Variants in DAAM1 observed in about 807,000 individuals in gnomAD.
DAAM1 encodes the protein dishevelled associated activator of morphogenesis 1, also known as disheveled-associated activator of morphogenesis 1.
In DAAM1, 52 loss-of-function variants were observed where a neutral mutation model predicts 130.0. That is an observed-to-expected ratio of 0.40 (90% CI 0.32 to 0.50). The LOEUF is 0.50. Among genes scored for constraint, DAAM1 ranks in the 20% least tolerant of loss-of-function variants. The pLI is 0.61. For missense variants in DAAM1, 1,134 were observed against 1,303.8 expected, an observed-to-expected ratio of 0.87 and a Z score of 2.01; for synonymous variants, 452 against 444.5, an observed-to-expected ratio of 1.02 and a Z score of -0.21.
At position 59,331,500 on chromosome 14, in the gene DAAM1, C is replaced by G; in HGVS notation, c.1852C>G (p.Leu618Val). Residue 618 changes from leucine (L) to valine (V), a missense_variant, in exon 14 of 25, where the codon CTG (leucine) becomes GTG (valine). Leu to Val is a conservative substitution (Grantham distance 32, BLOSUM62 1). Around this residue, in one of 3 missense-constraint regions of DAAM1, gnomAD observed 644 missense variants for 695.9 expected, o/e 0.93. Coordinates refer to ENST00000360909, the MANE Select transcript of DAAM1 (RefSeq NM_001270520.2). ...NALKSFNWSKLPENKLEGTVW... is the reference protein window; with the variant it reads ...NALKSFNWSKVPENKLEGTVW... ...CCTGAAATCCTTCAACTGGTCTAAA[C>G]TGCCCGAGGTGAGCCATTTGTTCCA... 1 of 1,591,890 alleles carries G rather than the reference C, an allele frequency of 6.3e-7. No homozygotes were observed. Among genetic ancestry groups the G allele is most frequent in the Non-Finnish European group, 8.6e-7 (1 of 1,166,684 alleles).
chr14:59,289,667 G>A (rs1883630338), intron 2 of DAAM1, among the ~76,000 whole-genome samples: 1 of 150,674 alleles, frequency 6.6e-6, no homozygotes, highest in Admixed American at 6.7e-5. Flanking sequence ...CTCCCAAAAA[G>A]ACATATGCAC....
Position 59,360,854 on chromosome 14 carries a change from G to A in DAAM1, c.2686G>A (p.Val896Ile), listed in dbSNP as rs772901652. The change falls in exon 22 of 25, where the codon GTA becomes ATA. Residue 896 changes from valine to isoleucine, a missense_variant. Val to Ile is a conservative substitution (Grantham distance 29). Transcript: ENST00000360909. The stretch of plus-strand genomic sequence containing the variant: ...TACCTTGAGAAGTGGCTTGAAAGCA[G>A]TAGAGACAGTGAGTATTTTTTTGTT... ...ISTLRSGLKA[V>I]ETELEYQKSQ... 2 of 1,613,658 alleles carry A rather than the reference G, an allele frequency of 1.2e-6. No homozygotes were observed. The highest frequency in any genetic ancestry group is 2.2e-5 in the South Asian group (2 of 90,982).
chr14:59,222,666 C>A (rs1018993526), intron 1 of DAAM1, among the ~76,000 whole-genome samples: 2 of 152,196 alleles, frequency 1.3e-5, no homozygotes, highest in African/African-American at 4.8e-5. Flanking sequence ...TAGAATAGGT[C>A]ATTCTATCCA....
chr14:59,357,186 C>G (rs755535512), intron 20 of DAAM1: 1 of 152,160 alleles, frequency 6.6e-6, no homozygotes, highest in Non-Finnish European at 1.5e-5. Context: ...TTAAACCTTT[C>G]TATAGCAAGA....
At chr14:59,278,965 T>C (rs1883092632) in intron 2 of DAAM1, among the ~76,000 whole-genome samples, 3 of 152,208 alleles carry the variant, frequency 2.0e-5, no homozygotes, top group South Asian at 4.1e-4. Context: ...TCTTACTATG[T>C]ATATACAAAG....
intron 21 of DAAM1, among the ~76,000 whole-genome samples, chr14:59,360,189 A>G (rs138887832): frequency 6.6e-6 from 1 of 152,356 alleles, no homozygotes; most frequent in East Asian, 1.9e-4. Flanking sequence ...ATCTGGGAGA[A>G]TTAAGTTTCA....
Position 59,348,845 on chromosome 14 carries a change from C to G in DAAM1, c.2160+1222C>G, listed in dbSNP as rs2139663607. Among the ~76,000 whole-genome samples the G allele has an allele frequency of 2.0e-5, 3 of 152,274 alleles. No homozygotes were observed. The South Asian group carries it at 6.2e-4, about 32-fold the overall frequency. On this transcript the variant is annotated intron_variant, in intron 17 of 24. Coordinates refer to ENST00000360909, the MANE Select transcript of DAAM1 (RefSeq NM_001270520.2). ...GCAGAGTCACTCCCTAATGGACCAGCCCCGCCCCTGCAACCTCTGCGGCTG... is the reference window on the plus strand; with the variant it reads ...GCAGAGTCACTCCCTAATGGACCAGGCCCGCCCCTGCAACCTCTGCGGCTG...
intron 1 of DAAM1, among the ~76,000 whole-genome samples, chr14:59,218,111 T>G (rs1888649502): frequency 6.6e-6 from 1 of 152,038 alleles, no homozygotes; most frequent in South Asian, 2.1e-4. Context: ...TCAGCCTGGG[T>G]GACAGAGGAA....
intron 1 of DAAM1, among the ~76,000 whole-genome samples, chr14:59,219,759 T>C (rs1012343598): frequency 6.6e-6 from 1 of 152,196 alleles, no homozygotes; most frequent in Non-Finnish European, 1.5e-5. Context: ...GGCCAACCTG[T>C]GTTTTGAGTC....
intron 3 of DAAM1, among the ~76,000 whole-genome samples, chr14:59,314,549 G>T (rs902880890): frequency 1.3e-5 from 2 of 152,020 alleles, no homozygotes; most frequent in Non-Finnish European, 2.9e-5. Flanking sequence ...GCCCTGGGGG[G>T]CTTAGGGGCT....
At chr14:59,333,958 C>T (rs988509167) in intron 15 of DAAM1, among the ~76,000 whole-genome samples, 14 of 152,316 alleles carry the variant, frequency 9.2e-5, no homozygotes, top group South Asian at 4.2e-4. Context: ...TTTAAGTAAT[C>T]AGTATGCATT....
chr14:59,196,518 C>T (rs899795213), intron 1 of DAAM1, among the ~76,000 whole-genome samples: 19 of 152,130 alleles, frequency 1.2e-4, no homozygotes, highest in African/African-American at 3.6e-4. Flanking sequence ...ACGAGGCGGG[C>T]ATATCACAAG....
At chr14:59,228,025 A>G (rs1390135692) in intron 1 of DAAM1, among the ~76,000 whole-genome samples, 3 of 152,212 alleles carry the variant, frequency 2.0e-5, no homozygotes, top group Non-Finnish European at 4.4e-5. Flanking sequence ...CTTGGTTACT[A>G]GTAGAAACCC....
At chr14:59,190,887 AG>A (rs1163087411) in intron 1 of DAAM1, among the ~76,000 whole-genome samples, 1 of 152,232 alleles carries the variant, frequency 6.6e-6, no homozygotes, top group Non-Finnish European at 1.5e-5. Context: ...TATATGGACA[AG>A]GCAGCTATGT....
chr14:59,196,051 A>G (rs1345316465), intron 1 of DAAM1, among the ~76,000 whole-genome samples: 1 of 152,208 alleles, frequency 6.6e-6, no homozygotes, highest in East Asian at 1.9e-4. Flanking sequence ...CTTGCTAAGG[A>G]ACCGTATGCT....
At chr14:59,236,527 G>C (rs1053787113) in intron 1 of DAAM1, among the ~76,000 whole-genome samples, 3 of 151,972 alleles carry the variant, frequency 2.0e-5, no homozygotes, top group Non-Finnish European at 4.4e-5. Flanking sequence ...TCTTCTTGTC[G>C]TCGTTTAAAT....
At chr14:59,249,070 A>C (rs903914617) in intron 1 of DAAM1, among the ~76,000 whole-genome samples, 1 of 152,148 alleles carries the variant, frequency 6.6e-6, no homozygotes, top group Non-Finnish European at 1.5e-5. Context: ...TACAGGCGTG[A>C]GCCACCGCGC....
chr14:59,266,822 T>C (rs932891288), intron 2 of DAAM1, among the ~76,000 whole-genome samples: 4 of 152,188 alleles, frequency 2.6e-5, no homozygotes, highest in African/African-American at 4.8e-5. Flanking sequence ...GGACAGTGCC[T>C]GGTCTCTGGA....
chr14:59,272,650 T>C (rs1250528753), intron 2 of DAAM1, among the ~76,000 whole-genome samples: 1 of 150,900 alleles, frequency 6.6e-6, no homozygotes, highest in Non-Finnish European at 1.5e-5. Context: ...TATATATGTA[T>C]GTATGTATGT....
Sources: allele counts gnomAD v4.1 joint callset (sites outside exome capture counted in the v4.1 genomes callset), GRCh38; gene constraint gnomAD v4.1.1; regional missense constraint gnomAD v4.1.1; transcripts MANE v1.5; gene names NCBI Gene and HGNC (gene_info 2026-07-23, HGNC 2026-07-21).